The following GMNN variants were observed in gnomAD, a reference collection of about 807,000 sequenced individuals.
GMNN encodes the protein geminin.
GMNN carries 14 observed loss-of-function variants against 20.9 expected under a neutral mutation model. That is an observed-to-expected ratio of 0.67 (90% CI 0.44 to 1.05). The LOEUF is 1.05. Among genes scored for constraint, GMNN ranks in the 50% least tolerant of loss-of-function variants. The pLI is 0.00. For synonymous variants in GMNN, 81 were observed against 85.8 expected (o/e 0.94, Z 0.31); for missense variants, 227 against 243.8 (o/e 0.93, Z 0.46).
chr6:24,784,332 T>A, intron 5 of GMNN, 112 bp from the exon 6 acceptor site: 4 of 693,264 alleles, frequency 5.8e-6, no homozygotes, highest in Non-Finnish European at 1.0e-5. Context: ...TCCCGTTGTG[T>A]TGAGAGTCAA....
intron 1 of GMNN, among the ~76,000 whole-genome samples, chr6:24,776,543 A>G (rs1184008019): frequency 6.6e-6 from 1 of 152,344 alleles, no homozygotes; most frequent in Admixed American, 6.5e-5. Context: ...AGGCATGGCC[A>G]CAAAAATTAG....
In GMNN at chr6:24,785,977, A is replaced by AT; in HGVS notation, c.*179dup. 1 of 495,878 alleles carries AT rather than the reference A, an allele frequency of 2.0e-6. No homozygotes were observed. Among genetic ancestry groups the AT allele is most frequent in the Non-Finnish European group, 3.5e-6 (1 of 284,988 alleles). 30.7% of individuals were successfully genotyped at this position (495,878 alleles called of 1,614,324 possible). A position where few individuals can be genotyped will look rare whatever the true frequency, so the allele number is the denominator to read the frequency against. The stretch of plus-strand genomic sequence containing the variant: ...ATGTATTTTTAATCTATGATGGTTT[A>AT]TGTGAATAGGATTTTCTCAGTTGTC... On this transcript the variant is annotated 3_prime_UTR_variant, in exon 7 of 7. Coordinates refer to ENST00000230056, the MANE Select transcript of GMNN (RefSeq NM_015895.5).
chr6:24,775,795 T>C (rs1425822605), intron 1 of GMNN: 3 of 152,234 alleles, frequency 2.0e-5, no homozygotes, highest in Non-Finnish European at 2.9e-5. Context: ...ATTAGAATGC[T>C]AAGTGGCTTT....
chr6:24,784,112 G>A lies in GMNN; in HGVS notation c.300G>A (p.Lys100=), dbSNP rs1275047891. The change falls in exon 5 of 7, where the codon AAG becomes AAA. Residue 100 remains lysine (K), a synonymous_variant. Coordinates refer to ENST00000230056, the MANE Select transcript of GMNN (RefSeq NM_015895.5). The stretch of plus-strand genomic sequence containing the variant: ...AAAATCCATCCTCTCAGTATTGGAA[G>A]GAAGTGGCAGAAAAACGGAGAAAGG... ...IKENPSSQYW[K]EVAEKRRKAL... is the part of the protein sequence containing the mutation. The A allele has an allele frequency of 6.6e-7, 1 of 1,504,334 alleles. No individual in the cohort carries two copies. Among genetic ancestry groups the A allele is most frequent in the Non-Finnish European group, 9.2e-7 (1 of 1,082,104 alleles). 93.2% of individuals were successfully genotyped at this position (1,504,334 alleles called of 1,614,324 possible).
chr6:24,775,462 G>A (rs527682333), intron 1 of GMNN: 2 of 152,416 alleles, frequency 1.3e-5, no homozygotes, highest in African/African-American at 2.4e-5. Flanking sequence ...TGGGCCTCCG[G>A]GACAAGTTGG....
In GMNN at chr6:24,785,938, A is replaced by G; in HGVS notation, c.*139A>G. 1 of 595,912 alleles carries G rather than the reference A, an allele frequency of 1.7e-6. No individual in the cohort carries two copies. Among genetic ancestry groups the G allele is most frequent in the Non-Finnish European group, 2.9e-6 (1 of 342,408 alleles). The allele number at this position is 595,912 out of a possible 1,614,324, so 36.9% of individuals were successfully genotyped here. On this transcript the variant is annotated 3_prime_UTR_variant, in exon 7 of 7. Transcript: ENST00000230056. ...TTGAATCCTGGGACCCTATTGCATTAAAGTACAAATACTATGTATTTTTAA... is the reference window on the plus strand; with the variant it reads ...TTGAATCCTGGGACCCTATTGCATTGAAGTACAAATACTATGTATTTTTAA...
At chr6:24,778,040 C>G (rs1581425959) in intron 2 of GMNN, among the ~76,000 whole-genome samples, 1 of 152,172 alleles carries the variant, frequency 6.6e-6, no homozygotes, top group African/African-American at 2.4e-5. Context: ...ACTCTTATGA[C>G]AGCAGGACAG....
chr6:24,784,821 A>G (rs74669060), intron 6 of GMNN, among the ~76,000 whole-genome samples: 7,674 of 152,240 alleles, frequency 0.05, 224 homozygotes, highest in Non-Finnish European at 0.062. Context: ...TAGATGGACA[A>G]TTGCAAGGAG....
At chr6:24,779,186 A>C (rs982755913) in intron 2 of GMNN, among the ~76,000 whole-genome samples, 8 of 152,204 alleles carry the variant, frequency 5.3e-5, no homozygotes, top group Admixed American at 2.6e-4. Context: ...ACAGAGTATT[A>C]AATAGTTTTC....
Position 24,785,696 on chromosome 6 carries a change from C to A in GMNN, c.527C>A (p.Ser176Tyr). The part of the protein sequence containing the change: ...FESLDNQEFD[S>Y]EEETVEDSLV... ...TCACTGGATAATCAGGAATTTGATT[C>A]TGAAGAAGAAACTGTTGAGGATTCT... is the stretch of plus-strand genomic sequence containing the variant. Residue 176 changes from serine to tyrosine, a missense_variant, in exon 7 of 7, where the codon TCT (serine) becomes TAT (tyrosine). Transcript: ENST00000230056. The A allele has an allele frequency of 1.9e-6, 3 of 1,560,752 alleles. No individual in the cohort carries two copies. Among genetic ancestry groups the A allele is most frequent in the Non-Finnish European group, 2.6e-6 (3 of 1,137,818 alleles).
Position 24,784,136 on chromosome 6 carries a change from G to A in GMNN, c.324G>A (p.Lys108=). The part of the protein sequence containing the change: ...YWKEVAEKRR[K]ALYEALKENE... ...AGGAAGTGGCAGAAAAACGGAGAAA[G>A]GCGCTGTATGAAGCACTTAAGGAAA... The change falls in exon 5 of 7, where the codon AAG becomes AAA. Residue 108 remains lysine, a synonymous_variant. Transcript: ENST00000230056. 1 of 1,533,892 alleles carries A rather than the reference G, an allele frequency of 6.5e-7. No individual in the cohort carries two copies. The highest frequency in any genetic ancestry group is 9.0e-7 in the Non-Finnish European group (1 of 1,108,968).
At chr6:24,779,102 C>T (rs1472733601) in intron 2 of GMNN, among the ~76,000 whole-genome samples, 1 of 152,306 alleles carries the variant, frequency 6.6e-6, no homozygotes, top group South Asian at 2.1e-4. Context: ...TGGACTAGAA[C>T]TAGATCCTTG....
chr6:24,785,650 G>C lies in GMNN; in HGVS notation c.481G>C (p.Glu161Gln). Residue 161 changes from glutamate (E) to glutamine (Q), a missense_variant, in exon 7 of 7, where the codon GAA becomes CAA. Transcript: ENST00000230056. ...MAELIERLNG[E>Q]PLDNFESLDN... ...TATTCTTTAAAAGAGACTGAATGGTGAACCTCTGGATAATTTTGAATCACT... is the reference window on the plus strand; with the variant it reads ...TATTCTTTAAAAGAGACTGAATGGTCAACCTCTGGATAATTTTGAATCACT... The C allele has an allele frequency of 6.7e-7, 1 of 1,499,950 alleles. No homozygotes were observed. Among genetic ancestry groups the C allele is most frequent in the Non-Finnish European group, 9.2e-7 (1 of 1,091,576 alleles). The allele number at this position is 1,499,950 out of a possible 1,614,324, so 92.9% of individuals were successfully genotyped here. A position where few individuals can be genotyped will look rare whatever the true frequency, so the allele number is the denominator to read the frequency against.
At chr6:24,776,096 TC>T (rs768990352) in intron 1 of GMNN, among the ~76,000 whole-genome samples, 2 of 150,308 alleles carry the variant, frequency 1.3e-5, no homozygotes, top group African/African-American at 5.0e-5. Flanking sequence ...TGTTTTGTTT[TC>T]TAAGCTTTTT....
intron 6 of GMNN, among the ~76,000 whole-genome samples, chr6:24,785,002 G>A (rs145415900): frequency 7.5e-4 from 114 of 152,224 alleles, no homozygotes; most frequent in African/African-American, 2.5e-3. Flanking sequence ...TGACATTACT[G>A]TCATTTATAA....
In GMNN at chr6:24,785,649, T is replaced by G. The variant is rs1780333650; in HGVS notation, c.480T>G (p.Gly160=). Residue 160 remains glycine, a synonymous_variant, in exon 7 of 7, where the codon GGT becomes GGG. Transcript: ENST00000230056. ...YMAELIERLN[G]EPLDNFESLD... ...TTATTCTTTAAAAGAGACTGAATGG[T>G]GAACCTCTGGATAATTTTGAATCAC... 6.7e-7 allele frequency: 1 copy of G among 1,497,326 alleles called. No homozygotes were observed. The highest frequency in any genetic ancestry group is 1.9e-5 in the Admixed American group (1 of 51,942). The allele number at this position is 1,497,326 out of a possible 1,614,324, so 92.8% of individuals were successfully genotyped here.
At chr6:24,782,113 G>C (rs940750521) in intron 4 of GMNN, among the ~76,000 whole-genome samples, 17 of 152,096 alleles carry the variant, frequency 1.1e-4, no homozygotes. Flanking sequence ...TAGGGGGAAA[G>C]GATAGTTATT....
rs558917632 is a variant in GMNN, at chr6:24,779,674, A to C, written c.52-989A>C. On this transcript the variant is annotated intron_variant, in intron 2 of 6. Coordinates refer to ENST00000230056, the MANE Select transcript of GMNN (RefSeq NM_015895.5). ...AACTTTCTCACGCTGGTATGGTATC[A>C]TGTTCTTGCTAACCTTGTTTGAGTA... Among the ~76,000 whole-genome samples the C allele has an allele frequency of 6.6e-5, 10 of 152,330 alleles. No individual in the cohort carries two copies. The South Asian group carries it at 2.1e-3, about 32-fold the overall frequency.
chr6:24,784,014 A>G, intron 4 of GMNN, 73 bp from the exon 5 acceptor site: 1 of 679,088 alleles, frequency 1.5e-6, no homozygotes, highest in East Asian at 2.8e-5. Context: ...CTAAGATTGG[A>G]AATTTTTTTG....
Sources: gnomAD v4.1 joint callset for allele counts (sites outside exome capture counted in the v4.1 genomes callset) on GRCh38, gnomAD v4.1.1 for gene constraint, MANE v1.5 for transcripts, NCBI Gene and HGNC (gene_info 2026-07-23, HGNC 2026-07-21) for gene names.